The following LEF1 variants were observed in gnomAD, a reference collection of about 807,000 sequenced individuals.
The protein encoded by LEF1 is lymphoid enhancer binding factor 1.
In LEF1, 14 loss-of-function variants were observed where a neutral mutation model predicts 51.2. The observed-to-expected ratio is 0.27, with a 90% CI of 0.18 to 0.43. The LOEUF is 0.43. LEF1 is among the 20% of genes least tolerant of loss of function. The pLI is 1.00. For missense variants in LEF1, 386 were observed against 512.0 expected (o/e 0.75, Z 2.37); for synonymous variants, 185 against 183.2 (o/e 1.01, Z -0.08).
At chr4:108,148,788 C>G (rs1468510876) in intron 3 of LEF1, among the ~76,000 whole-genome samples, 3 of 152,172 alleles carry the variant, frequency 2.0e-5, no homozygotes, top group African/African-American at 7.2e-5. Context: ...AGTTCAGAAA[C>G]TCCTATAACA....
At chr4:108,071,213 C>A (rs1037166213) in intron 8 of LEF1, among the ~76,000 whole-genome samples, 1 of 152,202 alleles carries the variant, frequency 6.6e-6, no homozygotes, top group African/African-American at 2.4e-5. Context: ...AACAGATATA[C>A]CCTCTCCTCA....
intron 3 of LEF1, among the ~76,000 whole-genome samples, chr4:108,095,750 C>T (rs1302532054): frequency 6.6e-6 from 1 of 152,144 alleles, no homozygotes; most frequent in Non-Finnish European, 1.5e-5. Flanking sequence ...AAAGCCATAC[C>T]TAAGTTAGGT....
intron 3 of LEF1, among the ~76,000 whole-genome samples, chr4:108,113,720 G>C (rs1034295290): frequency 4.6e-5 from 7 of 152,114 alleles, no homozygotes; most frequent in African/African-American, 1.7e-4. Flanking sequence ...TGGGAGGGTG[G>C]GACCATGGAT....
chr4:108,123,096 A>T (rs79590634), intron 3 of LEF1, among the ~76,000 whole-genome samples: 249 of 152,248 alleles, frequency 1.6e-3, no homozygotes, highest in East Asian at 0.011. Context: ...GTTTATCTGC[A>T]GAAATTACTT....
At chr4:108,138,855 C>A (rs1743466198) in intron 3 of LEF1, among the ~76,000 whole-genome samples, 2 of 152,184 alleles carry the variant, frequency 1.3e-5, no homozygotes, top group Non-Finnish European at 2.9e-5. Flanking sequence ...ACATGTGCCA[C>A]CATGCCCCAT....
intron 3 of LEF1, among the ~76,000 whole-genome samples, chr4:108,106,710 A>G (rs1578350782): frequency 6.6e-6 from 1 of 152,300 alleles, no homozygotes; most frequent in African/African-American, 2.4e-5. Context: ...CCAGAAGACT[A>G]CCTATCCTGG....
At chr4:108,062,020 G>A (rs1316802478) in intron 11 of LEF1, among the ~76,000 whole-genome samples, 1 of 152,204 alleles carries the variant, frequency 6.6e-6, no homozygotes, top group Admixed American at 6.5e-5. Flanking sequence ...GTAGGAGGAA[G>A]GAGTGAGTCT....
At chr4:108,130,371 T>C (rs1163384602) in intron 3 of LEF1, among the ~76,000 whole-genome samples, 2 of 152,148 alleles carry the variant, frequency 1.3e-5, no homozygotes, top group Non-Finnish European at 2.9e-5. Context: ...TTGCCAGTCC[T>C]ATGATGCTGC....
intron 3 of LEF1, among the ~76,000 whole-genome samples, chr4:108,121,646 T>C (rs1742187984): frequency 6.6e-6 from 1 of 152,142 alleles, no homozygotes; most frequent in Non-Finnish European, 1.5e-5. Flanking sequence ...CACCTAACAA[T>C]GTCAATGAGC....
At chr4:108,112,013 C>T (rs1418501463) in intron 3 of LEF1, among the ~76,000 whole-genome samples, 1 of 152,132 alleles carries the variant, frequency 6.6e-6, no homozygotes, top group Non-Finnish European at 1.5e-5. Flanking sequence ...TGAAATCGAC[C>T]CTGCCCTAAT....
At chr4:108,128,358 G>A (rs1008960308) in intron 3 of LEF1, among the ~76,000 whole-genome samples, 1 of 152,022 alleles carries the variant, frequency 6.6e-6, no homozygotes, top group Non-Finnish European at 1.5e-5. Context: ...AGTGGAACAA[G>A]AGCTCCTAAA....
chr4:108,126,869 ATGTGTGTGTG>A (rs34301406), intron 3 of LEF1, among the ~76,000 whole-genome samples: 8 of 146,454 alleles, frequency 5.5e-5, no homozygotes, highest in Admixed American at 4.1e-4. Flanking sequence ...ATTTACTGAT[ATGTGTGTGTG>A]TGTGTGTGTG....
chr4:108,096,079 C>CA (rs1308499469), intron 3 of LEF1, among the ~76,000 whole-genome samples: 5 of 151,776 alleles, frequency 3.3e-5, no homozygotes, highest in East Asian at 3.9e-4. Context: ...ATAAATGAGC[C>CA]AAAAAAACAA....
intron 3 of LEF1, among the ~76,000 whole-genome samples, chr4:108,160,818 T>C (rs1261033298): frequency 1.3e-5 from 2 of 152,212 alleles, no homozygotes; most frequent in African/African-American, 4.8e-5. Flanking sequence ...GCATGCCAGT[T>C]GGCCATAGCT....
chr4:108,158,404 C>T (rs1011201510), intron 3 of LEF1, among the ~76,000 whole-genome samples: 2 of 148,498 alleles, frequency 1.3e-5, no homozygotes, highest in African/African-American at 4.9e-5. Flanking sequence ...TTTAAATGAA[C>T]ATTCCCTTAA....
intron 3 of LEF1, among the ~76,000 whole-genome samples, chr4:108,141,399 C>G (rs1438951691): frequency 6.6e-6 from 1 of 152,138 alleles, no homozygotes; most frequent in Admixed American, 6.5e-5. Flanking sequence ...CCACATCATT[C>G]ATATGTCTAT....
rs1741578623 is a variant in LEF1 at position 108,112,246 on chromosome 4, G to T, written c.415-22989C>A. ...ATGGTTTTCGTGTGGTCAGATGAAG[G>T]CTGTGAGGTCTCTGCTTCTGTAAGC... is the stretch of plus-strand genomic sequence containing the variant. On this transcript the variant is annotated intron_variant, in intron 3 of 11. Transcript: ENST00000265165. Among the ~76,000 whole-genome samples, 3 of 152,196 alleles carry T rather than the reference G, an allele frequency of 2.0e-5. 1 individual carries two copies. The highest frequency in any genetic ancestry group is 1.3e-4 in the Admixed American group (2 of 15,286).
chr4:108,134,378 C>A (rs556089525), intron 3 of LEF1, among the ~76,000 whole-genome samples: 1 of 152,302 alleles, frequency 6.6e-6, no homozygotes, highest in South Asian at 2.1e-4. Context: ...TATCAACTGA[C>A]AAATTAACCT....
chr4:108,058,802 C>T (rs1238519288), intron 11 of LEF1, among the ~76,000 whole-genome samples: 1 of 152,174 alleles, frequency 6.6e-6, no homozygotes, highest in East Asian at 1.9e-4. Context: ...ACACCCCCAC[C>T]GCCTAACAGG....
Sources: allele counts gnomAD v4.1 joint callset (sites outside exome capture counted in the v4.1 genomes callset), GRCh38; gene constraint gnomAD v4.1.1; transcripts MANE v1.5; gene names NCBI Gene and HGNC (gene_info 2026-07-23, HGNC 2026-07-21).